Variants in HCRTR2 observed in about 807,000 individuals in gnomAD.
HCRTR2 encodes the protein hypocretin receptor 2, also known as orexin receptor type 2.
In HCRTR2, 22 loss-of-function variants were observed where a neutral mutation model predicts 49.0. The ratio of observed to expected loss-of-function variants is 0.45; its 90% CI spans 0.32 to 0.64. HCRTR2 has a LOEUF of 0.64. Ranked by LOEUF, HCRTR2 falls within the 30% of genes least tolerant of loss-of-function variation. The pLI is 0.04. For synonymous variants in HCRTR2, 236 were observed against 205.3 expected (o/e 1.15, Z -1.28); for missense variants, 491 against 559.4 (o/e 0.88, Z 1.23).
chr6:55,185,347 A>T (rs1765199299), intron 1 of HCRTR2, among the ~76,000 whole-genome samples: 1 of 152,210 alleles, frequency 6.6e-6, no homozygotes, highest in Non-Finnish European at 1.5e-5. Context: ...GGTGACTCAG[A>T]GATTCCTGAA....
At chr6:55,234,151 G>T (rs78061064) in intron 1 of HCRTR2, among the ~76,000 whole-genome samples, 3,223 of 152,242 alleles carry the variant, frequency 0.021, 65 homozygotes, top group Middle Eastern at 0.075. Flanking sequence ...TAGGTGCTAT[G>T]CTGCTTTACC....
intron 1 of HCRTR2, among the ~76,000 whole-genome samples, chr6:55,119,258 G>A (rs1015955557): frequency 2.6e-5 from 4 of 151,986 alleles, no homozygotes; most frequent in East Asian, 1.9e-4. Context: ...ACGTGTGCAT[G>A]TGTCTTTATA....
chr6:55,200,140 C>T (rs2127283717), intron 1 of HCRTR2, among the ~76,000 whole-genome samples: 1 of 151,974 alleles, frequency 6.6e-6, no homozygotes, highest in Admixed American at 6.6e-5. Flanking sequence ...GAATTTATAG[C>T]CGAATCTAGA....
chr6:55,129,056 C>T (rs765759755), intron 1 of HCRTR2, among the ~76,000 whole-genome samples: 2 of 151,964 alleles, frequency 1.3e-5, no homozygotes, highest in African/African-American at 4.8e-5. Context: ...TTATTTTGGT[C>T]GTCTCTTTGT....
intron 1 of HCRTR2, among the ~76,000 whole-genome samples, chr6:55,225,092 A>G (rs541190415): frequency 6.6e-6 from 1 of 152,326 alleles, no homozygotes; most frequent in East Asian, 1.9e-4. Context: ...TACATCTTTT[A>G]AAACATCATG....
chr6:55,122,624 C>CTGCTG (rs1236360519), intron 1 of HCRTR2, among the ~76,000 whole-genome samples: 1 of 151,928 alleles, frequency 6.6e-6, no homozygotes, highest in Non-Finnish European at 1.5e-5. Flanking sequence ...TCCCTCTATA[C>CTGCTG]CCAAAGGATT....
chr6:55,282,048 A>G (rs1251328340), intron 6 of HCRTR2, among the ~76,000 whole-genome samples, 177 bp from the exon 7 acceptor site: 4 of 152,186 alleles, frequency 2.6e-5, no homozygotes. Flanking sequence ...TCATTGTTTC[A>G]AGAGTCTACC....
intron 1 of HCRTR2, among the ~76,000 whole-genome samples, chr6:55,126,375 T>C (rs1189259014): frequency 6.6e-6 from 1 of 152,206 alleles, no homozygotes; most frequent in Non-Finnish European, 1.5e-5. Flanking sequence ...GCAGGTCTGC[T>C]GGACTTTGCT....
chr6:55,256,313 T>C (rs1044517907), intron 3 of HCRTR2, among the ~76,000 whole-genome samples: 9 of 152,074 alleles, frequency 5.9e-5, no homozygotes, highest in Non-Finnish European at 1.2e-4. Flanking sequence ...GAAAGATGTA[T>C]CAAAACAAGC....
chr6:55,111,882 C>T (rs1309944506), intron 1 of HCRTR2, among the ~76,000 whole-genome samples: 1 of 151,898 alleles, frequency 6.6e-6, no homozygotes, highest in Non-Finnish European at 1.5e-5. Context: ...AACATAGATG[C>T]AAAAATCCTC....
At chr6:55,170,856 G>T (rs1009507847), upstream of HCRTR2, among the ~76,000 whole-genome samples, 1 of 151,150 alleles carries the variant, frequency 6.6e-6, no homozygotes, top group African/African-American at 2.4e-5. Context: ...CCTTGCGATA[G>T]TTTGCTGAGA....
chr6:55,265,803 T>G (rs910586169), intron 4 of HCRTR2, among the ~76,000 whole-genome samples: 15 of 152,114 alleles, frequency 9.9e-5, no homozygotes, highest in Admixed American at 7.9e-4. Context: ...GTAAATGGCT[T>G]AAATTTTTGT....
intron 3 of HCRTR2, among the ~76,000 whole-genome samples, chr6:55,262,191 C>G (rs570084052): frequency 6.6e-6 from 1 of 150,846 alleles, no homozygotes; most frequent in Non-Finnish European, 1.5e-5. Context: ...ATAGATGCAC[C>G]AAAATCTCAG....
At chr6:55,150,159 A>G (rs191319304) in intron 1 of HCRTR2, among the ~76,000 whole-genome samples, 1 of 152,042 alleles carries the variant, frequency 6.6e-6, no homozygotes, top group East Asian at 1.9e-4. Context: ...CATTTTATTA[A>G]GATATTATTG....
intron 1 of HCRTR2, among the ~76,000 whole-genome samples, chr6:55,232,215 C>G (rs1766128886): frequency 6.6e-6 from 1 of 152,172 alleles, no homozygotes; most frequent in African/African-American, 2.4e-5. Context: ...GTTTCATACT[C>G]ATTCACTGGG....
chr6:55,204,629 AG>A (rs1765568812), intron 1 of HCRTR2, among the ~76,000 whole-genome samples: 1 of 152,158 alleles, frequency 6.6e-6, no homozygotes, highest in Non-Finnish European at 1.5e-5. Flanking sequence ...CACAGCCAAG[AG>A]GTTTGGTGGA....
intron 1 of HCRTR2, among the ~76,000 whole-genome samples, chr6:55,179,591 G>A (rs1765097098): frequency 1.3e-5 from 2 of 152,046 alleles, no homozygotes; most frequent in African/African-American, 4.8e-5. Context: ...AATAACATGT[G>A]CAACTGATAA....
chr6:55,164,324 T>C (rs1472565495), intron 1 of HCRTR2, among the ~76,000 whole-genome samples: 2 of 152,164 alleles, frequency 1.3e-5, no homozygotes, highest in African/African-American at 4.8e-5. Context: ...CACATGCACA[T>C]GTATGTTTAT....
chr6:55,272,959 A>G (rs911805363), intron 4 of HCRTR2, among the ~76,000 whole-genome samples: 3 of 151,382 alleles, frequency 2.0e-5, no homozygotes, highest in Admixed American at 1.3e-4. Flanking sequence ...TGAGAAGATC[A>G]GTTATTGCAG....
Sources: allele counts gnomAD v4.1 joint callset (sites outside exome capture counted in the v4.1 genomes callset), GRCh38; gene constraint gnomAD v4.1.1; transcripts MANE v1.5; gene names NCBI Gene and HGNC (gene_info 2026-07-23, HGNC 2026-07-21).